LHFPL2: variants seen among roughly 807,000 people sequenced by gnomAD.
LHFPL2 encodes LHFPL tetraspan subfamily member 2.
Under a neutral mutation model 17.5 loss-of-function variants are expected in LHFPL2, and 7 were observed. The ratio of observed to expected loss-of-function variants is 0.40; its 90% CI spans 0.23 to 0.75. LHFPL2 has a LOEUF of 0.75. Among genes scored for constraint, LHFPL2 ranks in the 30% least tolerant of loss-of-function variants. LHFPL2 has a pLI of 0.37. For missense variants in LHFPL2, 241 were observed against 294.8 expected (o/e 0.82, Z 1.34); for synonymous variants, 134 against 116.2 (o/e 1.15, Z -0.99).
In LHFPL2 at chr5:78,488,829, CAAAT is replaced by C; in HGVS notation, c.*64_*67del. 6.4e-7 allele frequency: 1 copy of C among 1,565,988 alleles called. No individual in the cohort carries two copies. ...GTAAAGGTTAGTTCTCCACTTGACT[CAAAT>C]GATGAAACTGTGGACTGTTTCACAA... On this transcript the variant is annotated 3_prime_UTR_variant, in exon 5 of 5. Transcript: ENST00000380345.
Position 78,488,852 on chromosome 5 carries a change from TTCACAAGATTA to T in LHFPL2, c.*34_*44del. On this transcript the variant is annotated 3_prime_UTR_variant, in exon 5 of 5. Transcript: ENST00000380345. The stretch of plus-strand genomic sequence containing the variant: ...CTCAAATGATGAAACTGTGGACTGT[TTCACAAGATTA>T]CTCAAGGGAGAAAATGGCATTGTCT... 2 of 1,602,742 alleles carry T rather than the reference TTCACAAGATTA, an allele frequency of 1.2e-6. No individual in the cohort carries two copies. Among genetic ancestry groups the T allele is most frequent in the Non-Finnish European group, 1.7e-6 (2 of 1,174,832 alleles).
In LHFPL2 at chr5:78,486,266, C is replaced by A. The variant is rs1188136050; in HGVS notation, c.*2631G>T. Reference sequence around the variant, plus strand: ...TTTAAAGAATCCACAGAATCCAAGGCAAATATTTCTGCCTCAGAGTTCATT... The same window carrying A: ...TTTAAAGAATCCACAGAATCCAAGGAAAATATTTCTGCCTCAGAGTTCATT... On this transcript the variant is annotated 3_prime_UTR_variant, in exon 5 of 5. Transcript: ENST00000380345. The A allele has an allele frequency of 6.6e-6, 1 of 152,446 alleles. No homozygotes were observed. The highest frequency in any genetic ancestry group is 1.9e-4 in the East Asian group (1 of 5,206). 9.4% of individuals were successfully genotyped at this position (152,446 alleles called of 1,614,324 possible). A position where few individuals can be genotyped will look rare whatever the true frequency, so the allele number is the denominator to read the frequency against.
chr5:78,579,584 T>C (rs866068812), intron 2 of LHFPL2, among the ~76,000 whole-genome samples: 6 of 151,798 alleles, frequency 4.0e-5, no homozygotes, highest in East Asian at 3.9e-4. Flanking sequence ...TGAGTGAGAA[T>C]ATGCGGTGTT....
intron 2 of LHFPL2, among the ~76,000 whole-genome samples, chr5:78,580,555 T>C (rs923081795): frequency 4.0e-5 from 6 of 150,134 alleles, no homozygotes; most frequent in Non-Finnish European, 8.9e-5. Context: ...GTTTCAGCTT[T>C]CTACATATGG....
intron 2 of LHFPL2, among the ~76,000 whole-genome samples, chr5:78,579,660 A>G (rs1177875063): frequency 6.6e-6 from 1 of 152,146 alleles, no homozygotes; most frequent in Non-Finnish European, 1.5e-5. Context: ...TGTCCCTACA[A>G]AGGACATGAA....
intron 2 of LHFPL2, among the ~76,000 whole-genome samples, chr5:78,606,290 G>A (rs1744210023): frequency 6.6e-6 from 1 of 152,186 alleles, no homozygotes; most frequent in Non-Finnish European, 1.5e-5. Context: ...GGTTTCAGAT[G>A]AGCATCTCTA....
intron 3 of LHFPL2, among the ~76,000 whole-genome samples, chr5:78,560,796 A>G (rs1469171943): frequency 6.6e-6 from 1 of 152,262 alleles, no homozygotes; most frequent in East Asian, 1.9e-4. Context: ...CCTTAAAAAA[A>G]GAAAAAACCC....
At chr5:78,599,224 G>A (rs1429100440) in intron 2 of LHFPL2, among the ~76,000 whole-genome samples, 1 of 152,120 alleles carries the variant, frequency 6.6e-6, no homozygotes, top group African/African-American at 2.4e-5. Context: ...ATTGTACTTT[G>A]TTAGAGACGA....
chr5:78,611,428 T>C (rs1364592672), intron 2 of LHFPL2, among the ~76,000 whole-genome samples: 1 of 152,154 alleles, frequency 6.6e-6, no homozygotes, highest in African/African-American at 2.4e-5. Flanking sequence ...GTTTCTGGGC[T>C]CCCTGCTCAG....
chr5:78,541,526 G>A (rs569022571), intron 3 of LHFPL2, among the ~76,000 whole-genome samples: 1 of 152,128 alleles, frequency 6.6e-6, no homozygotes, highest in Non-Finnish European at 1.5e-5. Flanking sequence ...GTCAGTCCCC[G>A]GCCCAGTTCA....
intron 2 of LHFPL2, among the ~76,000 whole-genome samples, chr5:78,580,755 T>C (rs1224690909): frequency 6.6e-6 from 1 of 152,176 alleles, no homozygotes; most frequent in Non-Finnish European, 1.5e-5. Context: ...TGTAGCCTTG[T>C]AGTATAGTTT....
At chr5:78,514,229 T>C (rs1046533960) in intron 3 of LHFPL2, among the ~76,000 whole-genome samples, 1 of 152,100 alleles carries the variant, frequency 6.6e-6, no homozygotes, top group African/African-American at 2.4e-5. Context: ...GGCCACTAAA[T>C]ACGTTTCCCC....
intron 2 of LHFPL2, among the ~76,000 whole-genome samples, chr5:78,589,773 C>A (rs1332385487): frequency 6.6e-6 from 1 of 152,230 alleles, no homozygotes; most frequent in Non-Finnish European, 1.5e-5. Flanking sequence ...GCCACTATGT[C>A]TGGTTCACCT....
chr5:78,549,357 C>CAG (rs1357148870), intron 3 of LHFPL2, among the ~76,000 whole-genome samples: 1 of 152,218 alleles, frequency 6.6e-6, no homozygotes, highest in Non-Finnish European at 1.5e-5. Flanking sequence ...GAAGGGAAGT[C>CAG]AGAAGGCCAG....
chr5:78,490,472 G>T (rs1754401851), intron 4 of LHFPL2, among the ~76,000 whole-genome samples: 1 of 152,018 alleles, frequency 6.6e-6, no homozygotes, highest in African/African-American at 2.4e-5. Context: ...TCTTCTTTAG[G>T]CCAGGTGCAG....
At chr5:78,643,693 A>G (rs865846133) in intron 1 of LHFPL2, among the ~76,000 whole-genome samples, 1 of 152,232 alleles carries the variant, frequency 6.6e-6, no homozygotes, top group East Asian at 1.9e-4. Context: ...CTGTGCACCA[A>G]CGACAGCCTG....
At chr5:78,581,400 C>T (rs1743132310) in intron 2 of LHFPL2, among the ~76,000 whole-genome samples, 1 of 152,138 alleles carries the variant, frequency 6.6e-6, no homozygotes, top group African/African-American at 2.4e-5. Context: ...CCAGTTCTTA[C>T]ACATTCAGTA....
chr5:78,605,559 A>G (rs1027037580), intron 2 of LHFPL2, among the ~76,000 whole-genome samples: 4 of 152,238 alleles, frequency 2.6e-5, no homozygotes, highest in Non-Finnish European at 5.9e-5. Context: ...TGAACTGGAT[A>G]GAATGTACAC....
chr5:78,536,789 A>G (rs180926934), intron 3 of LHFPL2, among the ~76,000 whole-genome samples: 1 of 152,362 alleles, frequency 6.6e-6, no homozygotes, highest in East Asian at 1.9e-4. Flanking sequence ...TCTTGTCCTT[A>G]TATAAGTGCC....
Sources: gnomAD v4.1 joint callset for allele counts (sites outside exome capture counted in the v4.1 genomes callset) on GRCh38, gnomAD v4.1.1 for gene constraint, MANE v1.5 for transcripts, NCBI Gene and HGNC (gene_info 2026-07-23, HGNC 2026-07-21) for gene names.